The following IGSF10 variants were observed in gnomAD, a reference collection of about 807,000 sequenced individuals.
IGSF10 encodes calvaria mechanical force protein 608.
A neutral mutation model predicts 128.2 loss-of-function variants in IGSF10; 126 were observed. That is an observed-to-expected ratio of 0.98 (90% CI 0.85 to 1.14). The LOEUF is 1.14. Ranked by LOEUF, IGSF10 falls within the 50% of genes most tolerant of loss-of-function variation. The pLI is 0.00. For synonymous variants in IGSF10, 1,185 were observed against 1,146.2 expected (o/e 1.03, Z -0.68); for missense variants, 3,295 against 3,149.8 (o/e 1.05, Z -1.10).
At chr3:151,606,740 C>G in the IGSF10 span, among the ~76,000 whole-genome samples, 1 of 152,146 alleles carries the variant, frequency 6.6e-6, no homozygotes, top group Admixed American at 6.5e-5. Flanking sequence ...CGAACTGGGC[C>G]CCCAGTGCTT....
chr3:151,444,851 C>A (rs1721085848), intron 6 of IGSF10, 68 bp downstream of exon 6: 2 of 1,419,578 alleles, frequency 1.4e-6, no homozygotes, highest in Non-Finnish European at 1.9e-6. Context: ...GATGTTTAAT[C>A]CCAAAACATA....
the IGSF10 span, among the ~76,000 whole-genome samples, chr3:151,567,256 C>A: frequency 6.6e-6 from 1 of 152,170 alleles, no homozygotes; most frequent in Non-Finnish European, 1.5e-5. Flanking sequence ...ACCTCTGCTT[C>A]ATTTTTTGTG....
chr3:151,500,500 T>C, the IGSF10 span, among the ~76,000 whole-genome samples: 1 of 152,170 alleles, frequency 6.6e-6, no homozygotes, highest in East Asian at 1.9e-4. Context: ...TGCTTAAATA[T>C]ATGGCTCAAT....
chr3:151,549,472 A>G, the IGSF10 span, among the ~76,000 whole-genome samples: 2 of 152,216 alleles, frequency 1.3e-5, no homozygotes, highest in African/African-American at 4.8e-5. Context: ...CTTTATATCC[A>G]GAGCTGTCTG....
chr3:151,612,383 T>C, the IGSF10 span, among the ~76,000 whole-genome samples: 1 of 152,240 alleles, frequency 6.6e-6, no homozygotes, highest in African/African-American at 2.4e-5. Flanking sequence ...GACACACACA[T>C]ACCACAGAAC....
chr3:151,553,642 ATACAATATATATT>A, the IGSF10 span, among the ~76,000 whole-genome samples: 3 of 151,328 alleles, frequency 2.0e-5, no homozygotes, highest in African/African-American at 7.3e-5. Context: ...TTCTATATAT[ATACAATATATATT>A]TACAATATAT....
chr3:151,584,764 G>C, the IGSF10 span, among the ~76,000 whole-genome samples: 5 of 152,166 alleles, frequency 3.3e-5, no homozygotes, highest in African/African-American at 9.7e-5. Context: ...CCATGTGTCA[G>C]TTATTCATTG....
chr3:151,445,870 G>A lies in IGSF10; in HGVS notation c.4111C>T (p.Pro1371Ser), dbSNP rs377190032. ...SPDQSSGFTTPTAMTPPVLTT... is the reference protein window; with the variant it reads ...SPDQSSGFTTSTAMTPPVLTT... ...AGAACAGGAGGTGTCATAGCAGTGG[G>A]TGTAGTGAAGCCAGAACTCTGGTCT... Residue 1371 changes from proline (P) to serine (S), a missense_variant, in exon 6 of 8, where the codon CCC (proline) becomes TCC (serine). By Grantham distance (74) the Pro-to-Ser change is moderately conservative. Coordinates refer to ENST00000282466, the MANE Select transcript of IGSF10 (RefSeq NM_178822.5). The A allele has an allele frequency of 3.3e-5, 54 of 1,614,084 alleles. No homozygotes were observed. The highest frequency in any genetic ancestry group is 4.4e-5 in the Non-Finnish European group (52 of 1,180,054).
chr3:151,450,475 G>C (rs962684885), intron 5 of IGSF10, among the ~76,000 whole-genome samples: 12 of 152,162 alleles, frequency 7.9e-5, no homozygotes, highest in African/African-American at 2.9e-4. Context: ...AAACTCTTCT[G>C]CGTGTACTAC....
At chr3:151,518,088 A>C in the IGSF10 span, among the ~76,000 whole-genome samples, 2 of 152,004 alleles carry the variant, frequency 1.3e-5, no homozygotes, top group African/African-American at 4.8e-5. Context: ...AGGTTAGCTT[A>C]AAGCTGCCTA....
the IGSF10 span, among the ~76,000 whole-genome samples, chr3:151,515,971 A>G: frequency 6.6e-6 from 1 of 152,054 alleles, no homozygotes; most frequent in Admixed American, 6.6e-5. Context: ...GAGGGCTGAC[A>G]CTACATATTA....
At chr3:151,517,026 G>C in the IGSF10 span, among the ~76,000 whole-genome samples, 1 of 151,924 alleles carries the variant, frequency 6.6e-6, no homozygotes, top group African/African-American at 2.4e-5. Context: ...CTTCTAGAAG[G>C]GCATCATTTG....
chr3:151,566,923 G>A, the IGSF10 span, among the ~76,000 whole-genome samples: 1 of 152,204 alleles, frequency 6.6e-6, no homozygotes, highest in Admixed American at 6.5e-5. Context: ...TTGCTGAAGA[G>A]ATGAGTCTCT....
chr3:151,548,567 C>T, the IGSF10 span, among the ~76,000 whole-genome samples: 1 of 152,180 alleles, frequency 6.6e-6, no homozygotes, highest in African/African-American at 2.4e-5. Context: ...CTTTTAAAAA[C>T]ATTTTTGAAA....
the IGSF10 span, among the ~76,000 whole-genome samples, chr3:151,523,144 A>T: frequency 6.6e-6 from 1 of 152,038 alleles, no homozygotes; most frequent in Non-Finnish European, 1.5e-5. Flanking sequence ...GAATTACAAA[A>T]CACTGCTCAA....
the IGSF10 span, among the ~76,000 whole-genome samples, chr3:151,527,943 A>T: frequency 1.5e-5 from 2 of 136,446 alleles, no homozygotes; most frequent in African/African-American, 2.9e-5. Context: ...ACAGAGCAAG[A>T]TCCTGTCTTG....
the IGSF10 span, among the ~76,000 whole-genome samples, chr3:151,601,690 ATTCT>A: frequency 6.6e-6 from 1 of 152,194 alleles, no homozygotes; most frequent in Admixed American, 6.5e-5. Flanking sequence ...CACCTTTGTG[ATTCT>A]TTCTGTCAAT....
In IGSF10 at chr3:151,443,059, C is replaced by A; in HGVS notation, c.5888G>T (p.Cys1963Phe). 1.9e-6 allele frequency: 3 copies of A among 1,614,216 alleles called. No individual in the cohort carries two copies. The highest frequency in any genetic ancestry group is 2.5e-6 in the Non-Finnish European group (3 of 1,180,032). The change falls in exon 7 of 8, where the codon TGC (cysteine) becomes TTC (phenylalanine). Residue 1963 changes from cysteine (C) to phenylalanine (F), a missense_variant. Physicochemically the swap from Cys to Phe is radical, Grantham distance 205 (BLOSUM62 -2). Transcript: ENST00000282466. Reference protein sequence around the residue: ...VNFGDKLLLNCSATGEPKPQI... With the variant: ...VNFGDKLLLNFSATGEPKPQI... ...GGGTTTGGGCTCCCCAGTGGCTGAG[C>A]AGTTCAGTAGTAATTTGTCCCCAAA...
chr3:151,445,698 C>G lies in IGSF10; in HGVS notation c.4283G>C (p.Ser1428Thr). The change falls in exon 6 of 8, where the codon AGT becomes ACT. Residue 1428 changes from serine (S) to threonine (T), a missense_variant. Transcript: ENST00000282466. Reference protein sequence around the residue: ...TDVIEELAQASTQTLKSTIAS... With the variant: ...TDVIEELAQATTQTLKSTIAS... ...AATTGTGCTCTTCAAAGTCTGAGTA[C>G]TTGCTTGGGCTAGTTCTTCAATCAC... 2 of 1,614,204 alleles carry G rather than the reference C, an allele frequency of 1.2e-6. No individual in the cohort carries two copies. The highest frequency in any genetic ancestry group is 1.7e-6 in the Non-Finnish European group (2 of 1,180,018).
Sources: gnomAD v4.1 joint callset for allele counts (sites outside exome capture counted in the v4.1 genomes callset) on GRCh38, gnomAD v4.1.1 for gene constraint, MANE v1.5 for transcripts, NCBI Gene and HGNC (gene_info 2026-07-23, HGNC 2026-07-21) for gene names.